The following CSMD1 variants were observed in gnomAD, a reference collection of about 807,000 sequenced individuals.
CSMD1 encodes the protein CUB and sushi domain-containing protein 1.
CSMD1 carries 213 observed loss-of-function variants against 417.5 expected under a neutral mutation model. The observed-to-expected ratio is 0.51, with a 90% CI of 0.46 to 0.57. The LOEUF is 0.57. Ranked by LOEUF, CSMD1 falls within the 20% of genes least tolerant of loss-of-function variation. The pLI, the probability that CSMD1 is intolerant of heterozygous loss-of-function variation, is 0.00. For synonymous variants in CSMD1, 2,862 were observed against 1,736.8 expected (o/e 1.65, Z -16.11); for missense variants, 6,923 against 4,529.7 (o/e 1.53, Z -15.17).
intron 3 of CSMD1, among the ~76,000 whole-genome samples, chr8:4,145,811 G>C (rs1252948955): frequency 6.6e-6 from 1 of 151,174 alleles, no homozygotes; most frequent in African/African-American, 2.5e-5. Context: ...TATGAGGAAT[G>C]CAAGGGTTGG....
chr8:4,335,674 A>G (rs1800122475), intron 3 of CSMD1, among the ~76,000 whole-genome samples: 1 of 152,156 alleles, frequency 6.6e-6, no homozygotes, highest in Non-Finnish European at 1.5e-5. Context: ...CATGAAGTAT[A>G]TTGTGCAAAA....
At chr8:4,821,422 A>C (rs1245571443) in intron 1 of CSMD1, among the ~76,000 whole-genome samples, 1 of 152,150 alleles carries the variant, frequency 6.6e-6, no homozygotes, top group Non-Finnish European at 1.5e-5. Context: ...CAGTGTTTTG[A>C]TAGAAAATTA....
intron 11 of CSMD1, among the ~76,000 whole-genome samples, chr8:3,470,366 T>C (rs1250224491): frequency 6.6e-6 from 1 of 152,194 alleles, no homozygotes; most frequent in Admixed American, 6.5e-5. Context: ...TTAAGATAAT[T>C]GTGGATACAC....
At chr8:4,988,464 T>A (rs1811293918) in intron 1 of CSMD1, among the ~76,000 whole-genome samples, 1 of 152,236 alleles carries the variant, frequency 6.6e-6, no homozygotes, top group East Asian at 1.9e-4. Context: ...GCCTGCATGA[T>A]CTTTTTTCTT....
intron 1 of CSMD1, among the ~76,000 whole-genome samples, chr8:4,723,977 G>C (rs977336216): frequency 6.6e-6 from 1 of 151,988 alleles, no homozygotes; most frequent in African/African-American, 2.4e-5. Context: ...CGGGCAGAAA[G>C]AACGTGAAAA....
chr8:4,019,098 G>A (rs1021252315), intron 4 of CSMD1, among the ~76,000 whole-genome samples: 2 of 152,134 alleles, frequency 1.3e-5, no homozygotes, highest in African/African-American at 4.8e-5. Flanking sequence ...CTGGACTACT[G>A]CTAGATACAT....
Position 2,998,184 on chromosome 8 carries a change from G to T in CSMD1, c.8204C>A (p.Pro2735His). The T allele has an allele frequency of 6.2e-7, 1 of 1,613,682 alleles. No individual in the cohort carries two copies. The highest frequency in any genetic ancestry group is 8.5e-7 in the Non-Finnish European group (1 of 1,179,654). Residue 2735 changes from proline (P) to histidine (H), a missense_variant and splice_region_variant, in exon 54 of 70, where the codon CCC becomes CAC. Transcript: ENST00000635120. Reference protein sequence around the residue: ...KWSGQTPVCVPITCGHPGNPA... With the variant: ...KWSGQTPVCVHITCGHPGNPA... The stretch of plus-strand genomic sequence containing the variant: ...GTTTCCAGGGTGACCACATGTGATG[G>T]CTGTAGAGAGACAGGTCAACGTCAT...
intron 3 of CSMD1, among the ~76,000 whole-genome samples, chr8:4,385,180 G>T (rs376499342): frequency 2.1e-4 from 32 of 152,226 alleles, no homozygotes; most frequent in Non-Finnish European, 4.0e-4. Context: ...TCCCCGTCTC[G>T]GCGTCTTAAA....
At chr8:3,591,513 C>G (rs73660320) in intron 8 of CSMD1, among the ~76,000 whole-genome samples, 4 of 152,074 alleles carry the variant, frequency 2.6e-5, no homozygotes, top group Non-Finnish European at 5.9e-5. Flanking sequence ...TTTGAGGTGA[C>G]TCGAAGATTA....
chr8:2,940,209 G>C (rs551730230), intron 69 of CSMD1, among the ~76,000 whole-genome samples: 3 of 152,320 alleles, frequency 2.0e-5, no homozygotes, highest in South Asian at 4.1e-4. Flanking sequence ...GAAGAAAATG[G>C]ATTGATGTGC....
At chr8:3,219,036 A>G (rs1798048992) in intron 29 of CSMD1, among the ~76,000 whole-genome samples, 1 of 152,174 alleles carries the variant, frequency 6.6e-6, no homozygotes, top group African/African-American at 2.4e-5. Context: ...GAACTGGGAC[A>G]GTTTTTTTCC....
At chr8:4,268,248 G>C (rs1015441112) in intron 3 of CSMD1, among the ~76,000 whole-genome samples, 2 of 152,054 alleles carry the variant, frequency 1.3e-5, no homozygotes, top group Non-Finnish European at 2.9e-5. Flanking sequence ...GCAAAAGATG[G>C]CATTCAAATA....
intron 7 of CSMD1, among the ~76,000 whole-genome samples, chr8:3,693,068 G>T (rs1343982072): frequency 6.6e-6 from 1 of 152,024 alleles, no homozygotes; most frequent in East Asian, 1.9e-4. Flanking sequence ...TAATAATCAG[G>T]AATACATTTA....
chr8:3,368,897 A>G (rs1024058668), intron 19 of CSMD1, among the ~76,000 whole-genome samples: 2 of 152,210 alleles, frequency 1.3e-5, no homozygotes, highest in African/African-American at 4.8e-5. Context: ...TGTCCCAGAT[A>G]TATCATGAAA....
intron 2 of CSMD1, among the ~76,000 whole-genome samples, chr8:4,488,764 C>T (rs1183271127): frequency 6.6e-6 from 1 of 152,048 alleles, no homozygotes; most frequent in African/African-American, 2.4e-5. Flanking sequence ...CAGCTATGAC[C>T]CGCGTCCTGC....
chr8:4,223,505 G>A (rs139047934), intron 3 of CSMD1, among the ~76,000 whole-genome samples: 4 of 152,202 alleles, frequency 2.6e-5, no homozygotes, highest in African/African-American at 7.2e-5. Context: ...ATTGCACAGG[G>A]CGTAATCTAC....
chr8:3,166,618 T>A (rs17079516), intron 37 of CSMD1, among the ~76,000 whole-genome samples: 16,206 of 152,158 alleles, frequency 0.11, 1,227 homozygotes, highest in East Asian at 0.26. Context: ...GATGTTTGCA[T>A]TGATTGAAAG....
chr8:4,763,421 T>C (rs373213756), intron 1 of CSMD1, among the ~76,000 whole-genome samples: 10 of 152,310 alleles, frequency 6.6e-5, no homozygotes, highest in East Asian at 5.8e-4. Flanking sequence ...GAGTAAAATA[T>C]AGGTCACTTA....
intron 1 of CSMD1, among the ~76,000 whole-genome samples, chr8:4,850,382 CTTTTTTTTTT>C: frequency 2.6e-5 from 2 of 77,826 alleles, no homozygotes; most frequent in Non-Finnish European, 4.7e-5. Flanking sequence ...TCCAATTTAT[CTTTTTTTTTT>C]TTTTTTTTTT....
Sources: gnomAD v4.1 joint callset for allele counts (sites outside exome capture counted in the v4.1 genomes callset) on GRCh38, gnomAD v4.1.1 for gene constraint, MANE v1.5 for transcripts, NCBI Gene and HGNC (gene_info 2026-07-23, HGNC 2026-07-21) for gene names.